Variants in PKHD1 observed in about 807,000 individuals in gnomAD.
PKHD1 encodes the protein PKHD1 ciliary IPT domain containing fibrocystin/polyductin.
Under a neutral mutation model 412.0 loss-of-function variants are expected in PKHD1, and 291 were observed. The ratio of observed to expected loss-of-function variants is 0.71; its 90% CI spans 0.64 to 0.78. PKHD1 has a LOEUF of 0.78. PKHD1 is among the 30% of genes least tolerant of loss of function. The pLI is 0.00. For missense variants in PKHD1, 4,825 were observed against 4,950.7 expected, an observed-to-expected ratio of 0.97 and a Z score of 0.76; for synonymous variants, 1,777 against 1,821.5, an observed-to-expected ratio of 0.98 and a Z score of 0.62.
At chr6:51,702,182 ATATAT>A (rs1015801221) in intron 60 of PKHD1, among the ~76,000 whole-genome samples, 2 of 146,742 alleles carry the variant, frequency 1.4e-5, no homozygotes, top group African/African-American at 5.0e-5. Context: ...ATAATATATA[ATATAT>A]TATATATATT....
chr6:51,697,534 A>G lies in PKHD1; in HGVS notation c.10157-37565T>C, dbSNP rs115937058. 3.7e-3 allele frequency among the ~76,000 whole-genome samples: 561 copies of G among 152,310 alleles called. 3 individuals carry two copies. Among genetic ancestry groups the G allele is most frequent in the African/African-American group, 0.013 (535 of 41,554 alleles). ...ATTGTATGAGGCTGTTCTGTACATCATAGGATATTTAGCAGCCTCCCTGGC... is the reference window on the plus strand; with the variant it reads ...ATTGTATGAGGCTGTTCTGTACATCGTAGGATATTTAGCAGCCTCCCTGGC... On this transcript the variant is annotated intron_variant, in intron 60 of 66. Coordinates refer to ENST00000371117, the MANE Select transcript of PKHD1 (RefSeq NM_138694.4).
intron 37 of PKHD1, among the ~76,000 whole-genome samples, chr6:51,928,238 A>G (rs909606388): frequency 6.6e-6 from 1 of 152,196 alleles, no homozygotes; most frequent in Non-Finnish European, 1.5e-5. Context: ...TTTAAACTAG[A>G]TTAATCAGGA....
Position 51,909,371 on chromosome 6 carries a change from C to G in PKHD1, c.6594G>C (p.Gln2198His), listed in dbSNP as rs956111300. 1 of 1,613,562 alleles carries G rather than the reference C, an allele frequency of 6.2e-7. No individual in the cohort carries two copies. The highest frequency in any genetic ancestry group is 1.3e-5 in the African/African-American group (1 of 74,984). ...IVQSFPEEPS[Q>H]VQLKGVQFQV... The stretch of plus-strand genomic sequence containing the variant: ...GAAACTGCACTCCCTTCAACTGGAC[C>G]TGGCTGGGCTCTTCTGGGAAGGACT... Residue 2198 changes from glutamine (Q) to histidine (H), a missense_variant, in exon 40 of 67, where the codon CAG becomes CAC. By Grantham distance (24) the Gln-to-His change is conservative. Transcript: ENST00000371117.
chr6:51,911,884 G>A lies in PKHD1; in HGVS notation c.6405C>T (p.Leu2135=), dbSNP rs2127664115. The change falls in exon 39 of 67, where the codon CTC becomes CTT. Residue 2135 remains leucine, a synonymous_variant. Transcript: ENST00000371117. The part of the protein sequence containing the change: ...HHILKATVAL[L]SRSITIQGNL... ...TTCCTTGTATGGTAATACTCCTGCT[G>A]AGCAGAGCCACAGTGGCCTTTAAAA... 3 of 1,611,510 alleles carry A rather than the reference G, an allele frequency of 1.9e-6. No homozygotes were observed. Among genetic ancestry groups the A allele is most frequent in the Non-Finnish European group, 2.5e-6 (3 of 1,177,924 alleles).
chr6:51,639,353 G>A (rs914199725), intron 63 of PKHD1, among the ~76,000 whole-genome samples: 3 of 151,626 alleles, frequency 2.0e-5, no homozygotes, highest in African/African-American at 7.3e-5. Context: ...CAATATATTG[G>A]CTATATTATT....
chr6:51,966,539 G>T (rs534869812), intron 35 of PKHD1, among the ~76,000 whole-genome samples: 1 of 152,242 alleles, frequency 6.6e-6, no homozygotes, highest in South Asian at 2.1e-4. Flanking sequence ...ACTAAAAAAT[G>T]TAGGTATTAC....
At chr6:51,965,520 G>C (rs528454969) in intron 35 of PKHD1, among the ~76,000 whole-genome samples, 1 of 151,282 alleles carries the variant, frequency 6.6e-6, no homozygotes, top group East Asian at 2.0e-4. Flanking sequence ...GAATTAGTTT[G>C]GTATAATTTA....
chr6:51,880,726 C>A (rs1777121234), intron 46 of PKHD1, among the ~76,000 whole-genome samples: 2 of 44,266 alleles, frequency 4.5e-5, no homozygotes, highest in African/African-American at 2.2e-4. Context: ...TGTAACTAAC[C>A]TGCACAATGT....
At chr6:52,065,905 G>T (rs774238806) in intron 12 of PKHD1, 71 bp downstream of exon 12, 5 of 812,412 alleles carry the variant, frequency 6.2e-6, no homozygotes, top group Admixed American at 1.7e-5. Flanking sequence ...CATCCCTCAT[G>T]CCATACAGAC....
At chr6:51,848,555 G>A (rs1209961115) in intron 49 of PKHD1, among the ~76,000 whole-genome samples, 1 of 152,188 alleles carries the variant, frequency 6.6e-6, no homozygotes, top group African/African-American at 2.4e-5. Context: ...GAAGAGTGCA[G>A]TGTCAGGACA....
Position 51,659,892 on chromosome 6 carries a change from C to A in PKHD1, c.10234G>T (p.Val3412Phe). 4 of 1,612,782 alleles carry A rather than the reference C, an allele frequency of 2.5e-6. No individual in the cohort carries two copies. In the South Asian group the frequency reaches 4.4e-5, roughly 18 times the overall value. Residue 3412 changes from valine (V) to phenylalanine (F), a missense_variant, in exon 61 of 67, where the codon GTC becomes TTC. Physicochemically the swap from Val to Phe is conservative, Grantham distance 50 (BLOSUM62 -1). Transcript: ENST00000371117. ...GCATCAGCGCTATCAAGAATTAGGA[C>A]CACTTGGTCAGTCTGTTTGCAGATG... The part of the protein sequence containing the change: ...GFICKQTDQV[V>F]LILDSADAIW...
chr6:51,695,809 A>T (rs1426592126), intron 60 of PKHD1, among the ~76,000 whole-genome samples: 6 of 152,192 alleles, frequency 3.9e-5, no homozygotes, highest in Admixed American at 6.5e-5. Context: ...AAAATTCTTT[A>T]TGTAACAGGG....
chr6:51,779,231 T>C (rs1327842059), intron 53 of PKHD1, among the ~76,000 whole-genome samples: 1 of 152,170 alleles, frequency 6.6e-6, no homozygotes, highest in Non-Finnish European at 1.5e-5. Context: ...CCCAGACTTT[T>C]TGACACACTT....
chr6:51,691,392 C>T (rs561223410), intron 60 of PKHD1, among the ~76,000 whole-genome samples: 1 of 152,184 alleles, frequency 6.6e-6, no homozygotes, highest in Admixed American at 6.5e-5. Context: ...GTAGCAAAGA[C>T]ATAGAATCAA....
chr6:51,834,970 C>A (rs1768934286), intron 51 of PKHD1, among the ~76,000 whole-genome samples: 1 of 152,166 alleles, frequency 6.6e-6, no homozygotes, highest in Admixed American at 6.6e-5. Flanking sequence ...AGTTTAATAT[C>A]TGGGCTTCAC....
intron 37 of PKHD1, among the ~76,000 whole-genome samples, chr6:51,930,420 G>A (rs915808437): frequency 3.3e-5 from 5 of 152,170 alleles, no homozygotes; most frequent in African/African-American, 9.7e-5. Context: ...GAGTGTATAA[G>A]GGTGTGGGAC....
rs759210203 is a variant in PKHD1, at chr6:51,619,467, T to A, written c.11839A>T (p.Met3947Leu). Residue 3947 changes from methionine to leucine, a missense_variant, in exon 67 of 67, where the codon ATG (methionine) becomes TTG (leucine). Coordinates refer to ENST00000371117, the MANE Select transcript of PKHD1 (RefSeq NM_138694.4). ...ACTTTCCTTCTGGACACTCCATTCA[T>A]CAACTGGTGGGGGCACTGGTTCACC... ...GKVNQCPHQL[M>L]NGVSRRKVSR... The A allele has an allele frequency of 3.7e-6, 6 of 1,614,116 alleles. No individual in the cohort carries two copies. Among genetic ancestry groups the A allele is most frequent in the Non-Finnish European group, 4.2e-6 (5 of 1,179,992 alleles).
chr6:51,901,657 A>T (rs1019050140), intron 43 of PKHD1, among the ~76,000 whole-genome samples: 4 of 150,214 alleles, frequency 2.7e-5, no homozygotes, highest in African/African-American at 9.9e-5. Flanking sequence ...GTACCCTAAA[A>T]CTTAAAGTAT....
chr6:52,020,403 T>A (rs956994099), intron 33 of PKHD1, among the ~76,000 whole-genome samples: 1 of 152,228 alleles, frequency 6.6e-6, no homozygotes, highest in Non-Finnish European at 1.5e-5. Context: ...GGCCAGAACT[T>A]GCTTGTATAG....
Sources: allele counts gnomAD v4.1 joint callset (sites outside exome capture counted in the v4.1 genomes callset), GRCh38; gene constraint gnomAD v4.1.1; transcripts MANE v1.5; gene names NCBI Gene and HGNC (gene_info 2026-07-23, HGNC 2026-07-21).